Variants in TAFA4 observed in about 807,000 individuals in gnomAD.
TAFA4 encodes the protein TAFA chemokine like family member 4, also known as chemokine-like protein TAFA-4.
In TAFA4, 20 loss-of-function variants were observed where a neutral mutation model predicts 21.1. The ratio of observed to expected loss-of-function variants is 0.95; its 90% CI spans 0.67 to 1.38. The LOEUF (loss-of-function observed/expected upper bound fraction) is 1.38, where lower values mean the gene tolerates loss of function less well. TAFA4 is among the 40% of genes most tolerant of loss of function. The pLI, the probability that TAFA4 is intolerant of heterozygous loss-of-function variation, is 0.00. For missense variants in TAFA4, 211 were observed against 180.9 expected (o/e 1.17, Z -0.95); for synonymous variants, 71 against 67.4 (o/e 1.05, Z -0.26).
At position 68,861,934 on chromosome 3, in the gene TAFA4, C is replaced by T. The variant is rs183357349; in HGVS notation, c.130+18796G>A. 9.0e-4 allele frequency among the ~76,000 whole-genome samples: 137 copies of T among 152,098 alleles called. 1 individual carries two copies. Among genetic ancestry groups the T allele is most frequent in the African/African-American group, 3.2e-3 (132 of 41,522 alleles). On this transcript the variant is annotated intron_variant, in intron 3 of 5. Transcript: ENST00000295569. Reference sequence around the variant, plus strand: ...CACAAAACCTTCAATAACATATCCCCACATCATTCACGTGCAAGCTCCAGG... The same window carrying T: ...CACAAAACCTTCAATAACATATCCCTACATCATTCACGTGCAAGCTCCAGG...
chr3:68,737,594 C>T (rs1702268216), intron 5 of TAFA4, among the ~76,000 whole-genome samples: 1 of 151,954 alleles, frequency 6.6e-6, no homozygotes, highest in African/African-American at 2.4e-5. Flanking sequence ...GCTAAAGTTC[C>T]CATTTAAAAT....
intron 3 of TAFA4, among the ~76,000 whole-genome samples, chr3:68,844,473 C>A (rs1338875989): frequency 6.6e-6 from 1 of 151,140 alleles, no homozygotes; most frequent in East Asian, 1.9e-4. Flanking sequence ...AAAACAGCTC[C>A]TGGATTCACT....
At chr3:68,878,531 A>T (rs915421208) in intron 3 of TAFA4, among the ~76,000 whole-genome samples, 5 of 152,142 alleles carry the variant, frequency 3.3e-5, no homozygotes, top group African/African-American at 1.2e-4. Context: ...CTTGTGGGGA[A>T]ATAAGGCACT....
At chr3:68,826,837 A>C (rs1429857780) in intron 3 of TAFA4, among the ~76,000 whole-genome samples, 1 of 152,178 alleles carries the variant, frequency 6.6e-6, no homozygotes, top group African/African-American at 2.4e-5. Context: ...ATATTATAAC[A>C]ATCAGATATG....
At chr3:68,811,788 G>T (rs984513931) in intron 3 of TAFA4, among the ~76,000 whole-genome samples, 2 of 152,280 alleles carry the variant, frequency 1.3e-5, no homozygotes, top group East Asian at 3.9e-4. Context: ...AATCTACCAA[G>T]GCAGGCCAAC....
chr3:68,915,915 T>C (rs961376708), intron 1 of TAFA4: 5 of 152,344 alleles, frequency 3.3e-5, no homozygotes, highest in East Asian at 1.9e-4. Context: ...TCAATAAATA[T>C]GGAATTGACC....
At chr3:68,896,445 C>T (rs569373077) in intron 1 of TAFA4, among the ~76,000 whole-genome samples, 4 of 152,266 alleles carry the variant, frequency 2.6e-5, no homozygotes, top group Admixed American at 1.3e-4. Flanking sequence ...CCAAAAGTAG[C>T]ACCGAGCACA....
At chr3:68,825,136 G>A (rs928649521) in intron 3 of TAFA4, among the ~76,000 whole-genome samples, 12 of 152,056 alleles carry the variant, frequency 7.9e-5, no homozygotes, top group Non-Finnish European at 1.2e-4. Flanking sequence ...TCTCCGTGCT[G>A]CCTCACAGGC....
In TAFA4 at chr3:68,874,222, G is replaced by T. The variant is rs181012861; in HGVS notation, c.130+6508C>A. On this transcript the variant is annotated intron_variant, in intron 3 of 5. Coordinates refer to ENST00000295569, the MANE Select transcript of TAFA4 (RefSeq NM_182522.5). Reference sequence around the variant, plus strand: ...GCATTGATGGTACTTGGCCTTAGTAGTCAAATTGTTTTTAACTCTTGCAAA... The same window carrying T: ...GCATTGATGGTACTTGGCCTTAGTATTCAAATTGTTTTTAACTCTTGCAAA... Among the ~76,000 whole-genome samples the T allele has an allele frequency of 3.9e-5, 6 of 152,252 alleles. No individual in the cohort carries two copies. The East Asian group carries it at 1.2e-3, about 29-fold the overall frequency.
chr3:68,866,293 C>G (rs1205744888), intron 3 of TAFA4, among the ~76,000 whole-genome samples: 1 of 151,990 alleles, frequency 6.6e-6, no homozygotes, highest in Non-Finnish European at 1.5e-5. Flanking sequence ...TTGGGACCCA[C>G]ACTCCCATTT....
intron 1 of TAFA4, among the ~76,000 whole-genome samples, chr3:68,929,112 A>G (rs2090136698): frequency 1.3e-5 from 2 of 152,124 alleles, no homozygotes; most frequent in Non-Finnish European, 2.9e-5. Context: ...GGTCAATTTT[A>G]TCTTTTGAGA....
intron 1 of TAFA4, among the ~76,000 whole-genome samples, chr3:68,891,205 G>A (rs1318767186): frequency 6.6e-6 from 1 of 152,176 alleles, no homozygotes; most frequent in Non-Finnish European, 1.5e-5. Context: ...AAGGAATTCA[G>A]CACCAAAACA....
intron 1 of TAFA4, among the ~76,000 whole-genome samples, chr3:68,914,745 C>G (rs2107011025): frequency 6.6e-6 from 1 of 152,278 alleles, no homozygotes; most frequent in Non-Finnish European, 1.5e-5. Flanking sequence ...AGTGGGCACA[C>G]AGTCCTTTAT....
intron 3 of TAFA4, among the ~76,000 whole-genome samples, chr3:68,819,589 C>T (rs1272961393): frequency 6.6e-6 from 1 of 152,130 alleles, no homozygotes; most frequent in Non-Finnish European, 1.5e-5. Flanking sequence ...TATATAAGAA[C>T]TCAAACAACT....
chr3:68,851,190 C>T (rs563549669), intron 3 of TAFA4, among the ~76,000 whole-genome samples: 2 of 152,234 alleles, frequency 1.3e-5, no homozygotes, highest in Non-Finnish European at 2.9e-5. Flanking sequence ...ATGTCCTTTA[C>T]AGGGACATGG....
At chr3:68,859,410 T>C (rs2089301641) in intron 3 of TAFA4, among the ~76,000 whole-genome samples, 1 of 152,132 alleles carries the variant, frequency 6.6e-6, no homozygotes, top group Non-Finnish European at 1.5e-5. Context: ...GAAGTTTTCC[T>C]TTGGTCAGGT....
intron 3 of TAFA4, among the ~76,000 whole-genome samples, chr3:68,762,201 AT>A (rs1195136534): frequency 2.3e-4 from 28 of 121,530 alleles, no homozygotes; most frequent in Non-Finnish European, 4.3e-4. Context: ...GGTGGCCTTA[AT>A]TTAAAAAAAA....
intron 3 of TAFA4, among the ~76,000 whole-genome samples, chr3:68,802,493 A>C (rs1477858993): frequency 1.3e-5 from 2 of 152,098 alleles, no homozygotes; most frequent in East Asian, 3.8e-4. Context: ...ATGAGTTTAG[A>C]ACACCAAAAT....
At chr3:68,883,382 G>T (rs1251561908) in intron 2 of TAFA4, among the ~76,000 whole-genome samples, 1 of 152,180 alleles carries the variant, frequency 6.6e-6, no homozygotes, top group Non-Finnish European at 1.5e-5. Flanking sequence ...CCCTTTTAGG[G>T]CTTATCTGAT....
Sources: allele counts gnomAD v4.1 joint callset (sites outside exome capture counted in the v4.1 genomes callset), GRCh38; gene constraint gnomAD v4.1.1; transcripts MANE v1.5; gene names NCBI Gene and HGNC (gene_info 2026-07-23, HGNC 2026-07-21).